GPR158: variants seen among roughly 807,000 people sequenced by gnomAD.
GPR158 encodes the protein G protein-coupled receptor 158, also known as metabotropic glycine receptor.
GPR158 carries 30 observed loss-of-function variants against 78.2 expected under a neutral mutation model. The observed-to-expected ratio is 0.38, with a 90% CI of 0.29 to 0.52. GPR158 has a LOEUF of 0.52. Among genes scored for constraint, GPR158 ranks in the 20% least tolerant of loss-of-function variants. The probability of loss-of-function intolerance (pLI) is 0.83; values close to 1 mark genes in which losing one functional copy is unlikely to be tolerated. For missense variants in GPR158, 1,463 were observed against 1,523.5 expected (o/e 0.96, Z 0.66); for synonymous variants, 581 against 591.1 (o/e 0.98, Z 0.25).
chr10:25,214,340 A>G (rs563026214), intron 1 of GPR158, among the ~76,000 whole-genome samples: 1 of 152,172 alleles, frequency 6.6e-6, no homozygotes, highest in Non-Finnish European at 1.5e-5. Flanking sequence ...CTAGTTTTCT[A>G]TAACTAGAAA....
chr10:25,436,532 C>A (rs1834999821), intron 4 of GPR158, among the ~76,000 whole-genome samples: 1 of 152,194 alleles, frequency 6.6e-6, no homozygotes, highest in African/African-American at 2.4e-5. Flanking sequence ...AATGCAAGTC[C>A]TTTGAATAAT....
chr10:25,550,383 T>C (rs1157237861), intron 5 of GPR158, among the ~76,000 whole-genome samples: 1 of 152,058 alleles, frequency 6.6e-6, no homozygotes, highest in Non-Finnish European at 1.5e-5. Flanking sequence ...GTAGTAAATA[T>C]GGAGTGGTAG....
chr10:25,202,862 C>T (rs1028236621), intron 1 of GPR158, among the ~76,000 whole-genome samples: 4 of 152,132 alleles, frequency 2.6e-5, no homozygotes, highest in African/African-American at 7.2e-5. Context: ...CTAATTTACA[C>T]TCCCACCAAC....
chr10:25,291,830 A>G (rs1449755859), intron 2 of GPR158, among the ~76,000 whole-genome samples: 1 of 149,802 alleles, frequency 6.7e-6, no homozygotes, highest in Non-Finnish European at 1.5e-5. Flanking sequence ...TTATAAGGCT[A>G]TATGAAGATG....
intron 1 of GPR158, among the ~76,000 whole-genome samples, chr10:25,193,730 T>C (rs1039468890): frequency 6.6e-6 from 1 of 152,164 alleles, no homozygotes; most frequent in Non-Finnish European, 1.5e-5. Context: ...TCCTCCTCCT[T>C]TCAGTCTTGG....
At chr10:25,343,755 C>T (rs1179487846) in intron 2 of GPR158, among the ~76,000 whole-genome samples, 1 of 151,952 alleles carries the variant, frequency 6.6e-6, no homozygotes, top group African/African-American at 2.4e-5. Context: ...TTTTTGAAAA[C>T]CATTGCTTGG....
chr10:25,399,997 G>A lies in GPR158; in HGVS notation c.1111+3984G>A, dbSNP rs16925699. Reference sequence around the variant, plus strand: ...ATGGAAAACTGCTAGCACAGTACATGGCATATAATAAGTGGTCAATACACA... The same window carrying A: ...ATGGAAAACTGCTAGCACAGTACATAGCATATAATAAGTGGTCAATACACA... On this transcript the variant is annotated intron_variant, in intron 3 of 10. Coordinates refer to ENST00000376351, the MANE Select transcript of GPR158 (RefSeq NM_020752.3). 6.7e-3 allele frequency among the ~76,000 whole-genome samples: 1,024 copies of A among 152,130 alleles called. 13 individuals carry two copies. Among genetic ancestry groups the A allele is most frequent in the African/African-American group, 0.023 (973 of 41,508 alleles).
At chr10:25,186,247 C>A (rs1029276458) in intron 1 of GPR158, among the ~76,000 whole-genome samples, 3 of 152,250 alleles carry the variant, frequency 2.0e-5, no homozygotes, top group Non-Finnish European at 4.4e-5. Context: ...ATTTATAGCA[C>A]TAAATGCCCA....
intron 2 of GPR158, among the ~76,000 whole-genome samples, chr10:25,276,447 G>A (rs964064325): frequency 6.6e-6 from 1 of 152,144 alleles, no homozygotes; most frequent in African/African-American, 2.4e-5. Context: ...AAGGTTCTTT[G>A]CCCTCCCAAT....
chr10:25,566,823 A>G (rs1056357372), intron 6 of GPR158, among the ~76,000 whole-genome samples: 1 of 152,234 alleles, frequency 6.6e-6, no homozygotes, highest in Non-Finnish European at 1.5e-5. Flanking sequence ...ACTTCTGAAA[A>G]TGAAACTTTG....
Position 25,551,332 on chromosome 10 carries a change from C to T in GPR158, c.1514+247C>T, listed in dbSNP as rs190397373. 3.3e-5 allele frequency among the ~76,000 whole-genome samples: 5 copies of T among 152,184 alleles called. No homozygotes were observed. In the East Asian group the frequency reaches 7.7e-4, roughly 24 times the overall value. ...TCATTGGTTATGGAAAGGGTTAGTT[C>T]CTAATAAAGTTTAAAATATGAAACA... On this transcript the variant is annotated intron_variant, in intron 6 of 10. Coordinates refer to ENST00000376351, the MANE Select transcript of GPR158 (RefSeq NM_020752.3).
chr10:25,208,841 TCTTTC>T (rs1207171868), intron 1 of GPR158, among the ~76,000 whole-genome samples: 1 of 149,618 alleles, frequency 6.7e-6, no homozygotes, highest in Admixed American at 6.6e-5. Context: ...TTTCTTTCTT[TCTTTC>T]CTTCTTTTTT....
chr10:25,432,273 T>C (rs1252179670), intron 4 of GPR158, among the ~76,000 whole-genome samples: 1 of 96,194 alleles, frequency 1.0e-5, no homozygotes, highest in Non-Finnish European at 2.6e-5. Flanking sequence ...AGCAATGGCA[T>C]GTACGTCCAT....
At chr10:25,587,741 A>C (rs1588925411) in intron 7 of GPR158, among the ~76,000 whole-genome samples, 2 of 152,302 alleles carry the variant, frequency 1.3e-5, no homozygotes, top group East Asian at 3.9e-4. Flanking sequence ...TCTTCCGGCT[A>C]CATCAGGGTT....
chr10:25,179,097 T>C (rs1302964879), intron 1 of GPR158, among the ~76,000 whole-genome samples: 4 of 152,208 alleles, frequency 2.6e-5, no homozygotes, highest in African/African-American at 7.2e-5. Flanking sequence ...ATTGAGATAA[T>C]ATTAAAATGG....
intron 5 of GPR158, among the ~76,000 whole-genome samples, chr10:25,517,633 G>A (rs1588895390): frequency 6.6e-6 from 1 of 152,172 alleles, no homozygotes; most frequent in African/African-American, 2.4e-5. Flanking sequence ...AGATAATCAT[G>A]TGGTTTTTGT....
chr10:25,591,914 A>T (rs1837345810), intron 8 of GPR158, among the ~76,000 whole-genome samples: 1 of 152,078 alleles, frequency 6.6e-6, no homozygotes, highest in African/African-American at 2.4e-5. Flanking sequence ...GGGAATTGAT[A>T]GGGAGAAAGC....
chr10:25,342,811 G>A (rs1855320902), intron 2 of GPR158, among the ~76,000 whole-genome samples: 1 of 141,388 alleles, frequency 7.1e-6, no homozygotes, highest in Admixed American at 7.3e-5. Context: ...TCAATTCTCT[G>A]TCCCAGGCTC....
chr10:25,536,351 T>C (rs1390850526), intron 5 of GPR158, among the ~76,000 whole-genome samples: 1 of 152,206 alleles, frequency 6.6e-6, no homozygotes, highest in Non-Finnish European at 1.5e-5. Flanking sequence ...GCTAATTAAG[T>C]ATTTCCAAGT....
Sources: allele counts gnomAD v4.1 joint callset (sites outside exome capture counted in the v4.1 genomes callset), GRCh38; gene constraint gnomAD v4.1.1; transcripts MANE v1.5; gene names NCBI Gene and HGNC (gene_info 2026-07-23, HGNC 2026-07-21).